Variants in CLDN11 observed in about 807,000 individuals in gnomAD.
CLDN11 encodes the protein claudin 11.
CLDN11 carries 1 observed loss-of-function variant against 18.0 expected under a neutral mutation model. That is an observed-to-expected ratio of 0.06 (90% CI 0.02 to 0.26). The LOEUF is 0.26. CLDN11 is among the 10% of genes least tolerant of loss of function. CLDN11 has a pLI of 1.00. For missense variants in CLDN11, 172 were observed against 276.6 expected (o/e 0.62, Z 2.68); for synonymous variants, 116 against 121.5 (o/e 0.96, Z 0.30).
At chr3:170,429,365 G>C (rs891614531) in intron 2 of CLDN11, among the ~76,000 whole-genome samples, 1 of 152,158 alleles carries the variant, frequency 6.6e-6, no homozygotes, top group Non-Finnish European at 1.5e-5. Flanking sequence ...TGTTTTGTGT[G>C]AATTGTAAGA....
rs141421186 is a variant in CLDN11, at chr3:170,423,218, G to A, written c.282G>A (p.Pro94=). 9 of 1,614,178 alleles carry A rather than the reference G, an allele frequency of 5.6e-6. No homozygotes were observed. Among genetic ancestry groups the A allele is most frequent in the East Asian group, 2.2e-5 (1 of 44,882 alleles). Residue 94 remains proline (P), a synonymous_variant, in exon 2 of 3, where the codon CCG becomes CCA. Transcript: ENST00000064724. Reference sequence around the variant, plus strand: ...TTGCTGCCTCGGTCCTGGGTCTGCCGGCCATTTTACTGCTGCTGACTGTTC... The same window carrying A: ...TTGCTGCCTCGGTCCTGGGTCTGCCAGCCATTTTACTGCTGCTGACTGTTC... The part of the protein sequence containing the change: ...LMIAASVLGL[P]AILLLLTVLP...
intron 1 of CLDN11, chr3:170,421,298 G>C: frequency 1.0e-6 from 1 of 985,962 alleles, no homozygotes; most frequent in Non-Finnish European, 1.2e-6. Flanking sequence ...CAGTGCCATG[G>C]ATTTCAGAAC....
At chr3:170,427,008 C>T (rs1329838758) in intron 2 of CLDN11, among the ~76,000 whole-genome samples, 1 of 152,150 alleles carries the variant, frequency 6.6e-6, no homozygotes, top group Non-Finnish European at 1.5e-5. Flanking sequence ...TCTCGAACTC[C>T]TGAGCCGTGA....
chr3:170,423,134 A>G (rs1738762118), intron 1 of CLDN11, 29 bp from the exon 2 acceptor site: 1 of 1,613,720 alleles, frequency 6.2e-7, no homozygotes, highest in East Asian at 2.2e-5. Context: ...CTGTGGTCTA[A>G]CCTTTCCCAT....
chr3:170,431,277 G>A (rs112301504), intron 2 of CLDN11, among the ~76,000 whole-genome samples: 196 of 152,154 alleles, frequency 1.3e-3, no homozygotes, highest in African/African-American at 4.6e-3. Context: ...AAGTGATAAC[G>A]GTACCCCTGG....
rs550804113 is a variant in CLDN11 at position 170,427,787 on chromosome 3, C to G, written c.391+4460C>G. On this transcript the variant is annotated intron_variant, in intron 2 of 2. Coordinates refer to ENST00000064724, the MANE Select transcript of CLDN11 (RefSeq NM_005602.6). ...TCATGCCACTGCACTCCAGCCTGGG[C>G]GACAGAGTGAGACTGTCTCAAAAAA... Among the ~76,000 whole-genome samples the G allele has an allele frequency of 4.0e-4, 52 of 130,704 alleles. No individual in the cohort carries two copies. In the Admixed American group the frequency reaches 4.4e-3, roughly 11 times the overall value. The allele number at this position is 130,704 out of a possible 152,430, so 85.7% of individuals were successfully genotyped here.
At chr3:170,431,962 A>C (rs1013235921) in intron 2 of CLDN11, among the ~76,000 whole-genome samples, 1 of 152,272 alleles carries the variant, frequency 6.6e-6, no homozygotes, top group Non-Finnish European at 1.5e-5. Context: ...TGAATTGACC[A>C]AACTGAGAAA....
intron 2 of CLDN11, among the ~76,000 whole-genome samples, chr3:170,426,271 G>A (rs551473018): frequency 6.6e-6 from 1 of 152,300 alleles, no homozygotes; most frequent in African/African-American, 2.4e-5. Flanking sequence ...TATGTCTGTT[G>A]TACAACTTTA....
At position 170,432,819 on chromosome 3, in the gene CLDN11, C is replaced by T. The variant is rs1298658981; in HGVS notation, c.*63C>T. 4.7e-6 allele frequency: 7 copies of T among 1,504,228 alleles called. No individual in the cohort carries two copies. The highest frequency in any genetic ancestry group is 2.3e-5 in the East Asian group (1 of 44,252). 93.2% of individuals were successfully genotyped at this position (1,504,228 alleles called of 1,614,324 possible). On this transcript the variant is annotated 3_prime_UTR_variant, in exon 3 of 3. Transcript: ENST00000064724. ...CTGGGCCCAGGGCCCTAGGTTTGCTCGTCACAGTGTGGGGAAGCCCATTCC... is the reference window on the plus strand; with the variant it reads ...CTGGGCCCAGGGCCCTAGGTTTGCTTGTCACAGTGTGGGGAAGCCCATTCC...
At chr3:170,432,336 C>G (rs1439757035) in intron 2 of CLDN11, among the ~76,000 whole-genome samples, 188 bp from the exon 3 acceptor site, 1 of 152,140 alleles carries the variant, frequency 6.6e-6, no homozygotes, top group Non-Finnish European at 1.5e-5. Flanking sequence ...AAGGACCCAG[C>G]AGTCTACTTC....
intron 2 of CLDN11, among the ~76,000 whole-genome samples, chr3:170,425,780 G>A (rs541290418): frequency 1.3e-5 from 2 of 152,308 alleles, no homozygotes; most frequent in South Asian, 4.1e-4. Flanking sequence ...TTGTCTGCCT[G>A]CTTTGCTCCT....
chr3:170,426,815 T>C (rs1738865446), intron 2 of CLDN11, among the ~76,000 whole-genome samples: 1 of 152,184 alleles, frequency 6.6e-6, no homozygotes, highest in Non-Finnish European at 1.5e-5. Context: ...GGACCTTTGC[T>C]CTGTCGCCCA....
In CLDN11 at chr3:170,432,746, C is replaced by T; in HGVS notation, c.614C>T (p.Ala205Val). The stretch of plus-strand genomic sequence containing the variant: ...AGCTCCCCGACTCATGCGAAGAGTG[C>T]CCACGTATAAGAGGGCTGCCCGGCT... ...GSSSPTHAKS[A>V]HV The change falls in exon 3 of 3, where the codon GCC becomes GTC. Residue 205 changes from alanine to valine, a missense_variant. Coordinates refer to ENST00000064724, the MANE Select transcript of CLDN11 (RefSeq NM_005602.6). The T allele has an allele frequency of 6.2e-7, 1 of 1,614,136 alleles. No homozygotes were observed. The highest frequency in any genetic ancestry group is 2.2e-5 in the East Asian group (1 of 44,888).
At chr3:170,421,814 C>G (rs1738731994) in intron 1 of CLDN11, among the ~76,000 whole-genome samples, 1 of 152,180 alleles carries the variant, frequency 6.6e-6, no homozygotes, top group Non-Finnish European at 1.5e-5. Context: ...ATAAATGTGA[C>G]ACATATTGTA....
rs553858979 is a variant in CLDN11, at chr3:170,422,803, A to G, written c.227-360A>G. On this transcript the variant is annotated intron_variant, in intron 1 of 2. Coordinates refer to ENST00000064724, the MANE Select transcript of CLDN11 (RefSeq NM_005602.6). ...AGGTCACACAGGTAGAGCTATCAAT[A>G]GCAGACTGGAACCAATAGAGGCCCT... Among the ~76,000 whole-genome samples, 7 of 152,344 alleles carry G rather than the reference A, an allele frequency of 4.6e-5. No homozygotes were observed. The South Asian group carries it at 6.2e-4, about 14-fold the overall frequency.
rs1738673764 is a variant in CLDN11 at position 170,419,687 on chromosome 3, G to T, written c.226+395G>T. 6.6e-6 allele frequency among the ~76,000 whole-genome samples: 1 copy of T among 152,222 alleles called. No individual in the cohort carries two copies. Among genetic ancestry groups the T allele is most frequent in the African/African-American group, 2.4e-5 (1 of 41,458 alleles). On this transcript the variant is annotated intron_variant, in intron 1 of 2. Coordinates refer to ENST00000064724, the MANE Select transcript of CLDN11 (RefSeq NM_005602.6). The surrounding 1 kb of genome is among the most constrained non-coding windows in gnomAD (Gnocchi z 8.6). Reference sequence around the variant, plus strand: ...CCCGGGGCGCCGAGCCTTCGCGTTAGGTTCCGCCCGCAGAGGTGAGAAGGA... The same window carrying T: ...CCCGGGGCGCCGAGCCTTCGCGTTATGTTCCGCCCGCAGAGGTGAGAAGGA...
intron 2 of CLDN11, among the ~76,000 whole-genome samples, chr3:170,430,336 C>T (rs955851293): frequency 6.6e-6 from 1 of 152,142 alleles, no homozygotes; most frequent in African/African-American, 2.4e-5. Context: ...AAGACTTTCC[C>T]CTGCATCTGA....
rs780911452 is a variant in CLDN11, at chr3:170,423,368, C to T, written c.391+41C>T. The T allele has an allele frequency of 2.5e-6, 4 of 1,597,176 alleles. No individual in the cohort carries two copies. The South Asian group carries it at 3.3e-5, about 13-fold the overall frequency. ...CAGTGGTACCCTACCTATGAGGGAG[C>T]CTGATGAATCTCAGATCTTGTGGTT... On this transcript the variant is annotated intron_variant, in intron 2 of 2. Coordinates refer to ENST00000064724, the MANE Select transcript of CLDN11 (RefSeq NM_005602.6).
chr3:170,424,840 G>A (rs943479011), intron 2 of CLDN11, among the ~76,000 whole-genome samples: 2 of 152,184 alleles, frequency 1.3e-5, no homozygotes, highest in African/African-American at 2.4e-5. Context: ...GTAAGGTGAG[G>A]GGACATGAGA....
Sources: allele counts gnomAD v4.1 joint callset (sites outside exome capture counted in the v4.1 genomes callset), GRCh38; gene constraint gnomAD v4.1.1; non-coding constraint Gnocchi (gnomAD v3.1); transcripts MANE v1.5; gene names NCBI Gene and HGNC (gene_info 2026-07-23, HGNC 2026-07-21).